GPR107: variants seen among roughly 807,000 people sequenced by gnomAD.
GPR107 encodes the protein protein GPR107.
GPR107 carries 31 observed loss-of-function variants against 75.5 expected under a neutral mutation model. The ratio of observed to expected loss-of-function variants is 0.41; its 90% CI spans 0.31 to 0.55. The LOEUF is 0.55. Ranked by LOEUF, GPR107 falls within the 20% of genes least tolerant of loss-of-function variation. The pLI is 0.26. For missense variants in GPR107, 572 were observed against 665.7 expected (o/e 0.86, Z 1.55); for synonymous variants, 267 against 251.3 (o/e 1.06, Z -0.59).
Position 130,104,530 on chromosome 9 carries a change from C to T in GPR107, c.1242C>T (p.Ala414=), listed in dbSNP as rs1467603391. The T allele has an allele frequency of 6.2e-7, 1 of 1,613,872 alleles. No individual in the cohort carries two copies. Among genetic ancestry groups the T allele is most frequent in the Non-Finnish European group, 8.5e-7 (1 of 1,179,772 alleles). Reference sequence around the variant, plus strand: ...TGGTCGACCTGTTGTGTTGTGGTGCCATCCTCTTCCCAGTGGTGTGGTGAG... The same window carrying T: ...TGGTCGACCTGTTGTGTTGTGGTGCTATCCTCTTCCCAGTGGTGTGGTGAG... ...LFLVDLLCCG[A]ILFPVVWSIR... The change falls in exon 13 of 18, where the codon GCC becomes GCT. Residue 414 remains alanine, a synonymous_variant. Coordinates refer to ENST00000347136, the MANE Select transcript of GPR107 (RefSeq NM_020960.5).
intron 9 of GPR107, among the ~76,000 whole-genome samples, chr9:130,094,627 G>C (rs922135234): frequency 2.0e-5 from 3 of 151,970 alleles, no homozygotes; most frequent in Non-Finnish European, 4.4e-5. Context: ...AAAAATTTAG[G>C]CCATTAAAGT....
chr9:130,088,780 A>C (rs1830670032), intron 7 of GPR107, among the ~76,000 whole-genome samples: 1 of 152,198 alleles, frequency 6.6e-6, no homozygotes, highest in African/African-American at 2.4e-5. Context: ...GTGTTTAACC[A>C]CTTTGCCTTT....
chr9:130,111,553 C>T (rs1487142527), intron 14 of GPR107, among the ~76,000 whole-genome samples: 1 of 152,080 alleles, frequency 6.6e-6, no homozygotes, highest in Non-Finnish European at 1.5e-5. Flanking sequence ...AACAACAAAA[C>T]ACTATGGCAA....
chr9:130,118,895 T>C (rs1437443059), intron 14 of GPR107, among the ~76,000 whole-genome samples: 4 of 152,190 alleles, frequency 2.6e-5, no homozygotes, highest in Non-Finnish European at 5.9e-5. Context: ...CCAGCTGAGA[T>C]GGGGCAGGGC....
rs1831997027 is a variant in GPR107, at chr9:130,137,873, T to C, written c.*2752T>C. On this transcript the variant is annotated 3_prime_UTR_variant, in exon 18 of 18. Coordinates refer to ENST00000347136, the MANE Select transcript of GPR107 (RefSeq NM_020960.5). ...TATCGGATGCACATAGCAGAACCAT[T>C]GGTGGTATTTATAGCTTTGCTTTGT... 1 of 152,254 alleles carries C rather than the reference T, an allele frequency of 6.6e-6. No individual in the cohort carries two copies. Among genetic ancestry groups the C allele is most frequent in the African/African-American group, 2.4e-5 (1 of 41,474 alleles). The allele number at this position is 152,254 out of a possible 1,614,324, so 9.4% of individuals were successfully genotyped here.
chr9:130,135,706 C>T lies in GPR107; in HGVS notation c.*585C>T. 6.5e-6 allele frequency: 1 copy of T among 152,724 alleles called. No homozygotes were observed. Among genetic ancestry groups the T allele is most frequent in the East Asian group, 1.9e-4 (1 of 5,178 alleles). The allele number at this position is 152,724 out of a possible 1,614,324, so 9.5% of individuals were successfully genotyped here. A position where few individuals can be genotyped will look rare whatever the true frequency, so the allele number is the denominator to read the frequency against. The stretch of plus-strand genomic sequence containing the variant: ...TCCTGCCCTCGGCTTTGCCCCAGAC[C>T]CTTATTCCAGATGCTGAGAGTGACC... On this transcript the variant is annotated 3_prime_UTR_variant, in exon 18 of 18. Transcript: ENST00000347136.
rs1468766245 is a variant in GPR107, at chr9:130,139,130, C to T, written c.*4009C>T. ...CCTGGCCTTGTAAGACTCACGTAAG[C>T]TAAGTCCAGGATGCCTGTGGCCTGC... On this transcript the variant is annotated 3_prime_UTR_variant, in exon 18 of 18. Coordinates refer to ENST00000347136, the MANE Select transcript of GPR107 (RefSeq NM_020960.5). The T allele has an allele frequency of 6.6e-6, 1 of 152,276 alleles. No homozygotes were observed. The highest frequency in any genetic ancestry group is 1.5e-5 in the Non-Finnish European group (1 of 68,070). 9.4% of individuals were successfully genotyped at this position (152,276 alleles called of 1,614,324 possible). A position where few individuals can be genotyped will look rare whatever the true frequency, so the allele number is the denominator to read the frequency against.
intron 5 of GPR107, chr9:130,083,280 T>C (rs974098209): frequency 2.9e-5 from 7 of 239,820 alleles, no homozygotes; most frequent in Admixed American, 5.6e-5. Flanking sequence ...AGTCATTCCA[T>C]GTGGCCTCTC....
chr9:130,055,024 A>C (rs956071881), intron 1 of GPR107, among the ~76,000 whole-genome samples: 4 of 152,292 alleles, frequency 2.6e-5, no homozygotes, highest in South Asian at 4.1e-4. Flanking sequence ...TTGAGACTGC[A>C]GTGAGCCGTG....
At chr9:130,063,196 C>CT (rs760373185) in intron 1 of GPR107, among the ~76,000 whole-genome samples, 4,168 of 146,522 alleles carry the variant, frequency 0.028, 66 homozygotes, top group East Asian at 0.044. Flanking sequence ...ATATAACATG[C>CT]TTTTTTTTTT....
chr9:130,084,775 C>CAA lies in GPR107; in HGVS notation c.564+1186_564+1187dup, dbSNP rs143763501. The stretch of plus-strand genomic sequence containing the variant: ...TGGGTGACAGAGTGAGACCCTGTCT[C>CAA]AAAAAAAAAAAAAAGGAAAAGAAAA... On this transcript the variant is annotated intron_variant, in intron 6 of 17. Coordinates refer to ENST00000347136, the MANE Select transcript of GPR107 (RefSeq NM_020960.5). Among the ~76,000 whole-genome samples, 578 of 118,858 alleles carry CAA rather than the reference C, an allele frequency of 4.9e-3. 3 individuals carry two copies. The highest frequency in any genetic ancestry group is 6.6e-3 in the Non-Finnish European group (369 of 55,504). 78.0% of individuals were successfully genotyped at this position (118,858 alleles called of 152,430 possible). A position where few individuals can be genotyped will look rare whatever the true frequency, so the allele number is the denominator to read the frequency against.
At position 130,079,664 on chromosome 9, in the gene GPR107, C is replaced by G; in HGVS notation, c.421C>G (p.Gln141Glu). The G allele has an allele frequency of 1.2e-6, 2 of 1,612,348 alleles. No individual in the cohort carries two copies. Among genetic ancestry groups the G allele is most frequent in the Non-Finnish European group, 1.7e-6 (2 of 1,178,426 alleles). ...AAAGTCTCCACCAGAAGCTGGTACC[C>G]AGTTACCAAAGATCATCTTCAGCAG... ...RVKSPPEAGT[Q>E]LPKIIFSRDE... The change falls in exon 5 of 18, where the codon CAG (glutamine) becomes GAG (glutamate). Residue 141 changes from glutamine to glutamate, a missense_variant. By Grantham distance (29) the Gln-to-Glu change is conservative. Transcript: ENST00000347136.
chr9:130,093,878 T>C (rs915872935), intron 9 of GPR107, among the ~76,000 whole-genome samples: 1 of 152,046 alleles, frequency 6.6e-6, no homozygotes, highest in African/African-American at 2.4e-5. Flanking sequence ...GTGCAGTGCC[T>C]AATCTCTACT....
chr9:130,054,008 A>T lies in GPR107; in HGVS notation c.76A>T (p.Met26Leu), dbSNP rs575260013. 2 of 1,554,094 alleles carry T rather than the reference A, an allele frequency of 1.3e-6. No individual in the cohort carries two copies. The highest frequency in any genetic ancestry group is 1.9e-5 in the Admixed American group (1 of 51,508). The change falls in exon 1 of 18, where the codon ATG (methionine) becomes TTG (leucine). Residue 26 changes from methionine to leucine, a missense_variant. Transcript: ENST00000347136. ...GGCCGCGGGCCTCCGGCTGCTCCCA[A>T]TGCTGGGTTTGCTGCAGTTGCTGGC... ...RLAAGLRLLP[M>L]LGLLQLLAEP...
intron 17 of GPR107, among the ~76,000 whole-genome samples, chr9:130,132,220 C>T (rs564032633): frequency 2.0e-5 from 3 of 152,158 alleles, no homozygotes; most frequent in Admixed American, 6.5e-5. Context: ...TTCTCCCGGG[C>T]TCTAGAATCA....
At chr9:130,102,640 G>A (rs1308298493) in intron 12 of GPR107, among the ~76,000 whole-genome samples, 1 of 152,196 alleles carries the variant, frequency 6.6e-6, no homozygotes, top group African/African-American at 2.4e-5. Context: ...TTCTAAGTAA[G>A]GAGTAGATGA....
chr9:130,114,751 G>A, intron 14 of GPR107: 1 of 982,162 alleles, frequency 1.0e-6, no homozygotes, highest in Non-Finnish European at 1.2e-6. Context: ...GGGTCTTTAG[G>A]AATTTTTAAA....
intron 1 of GPR107, among the ~76,000 whole-genome samples, chr9:130,057,447 C>T (rs1829819890): frequency 6.7e-6 from 1 of 148,826 alleles, no homozygotes; most frequent in Non-Finnish European, 1.5e-5. Flanking sequence ...GAGTCAGAAG[C>T]TGTAGTGAGC....
intron 15 of GPR107, among the ~76,000 whole-genome samples, chr9:130,125,678 A>G (rs1831659966): frequency 7.6e-6 from 1 of 131,138 alleles, no homozygotes; most frequent in Non-Finnish European, 1.5e-5. Context: ...CCCGGCCACT[A>G]TTTTTACTCA....
Sources: allele counts gnomAD v4.1 joint callset (sites outside exome capture counted in the v4.1 genomes callset), GRCh38; gene constraint gnomAD v4.1.1; transcripts MANE v1.5; gene names NCBI Gene and HGNC (gene_info 2026-07-23, HGNC 2026-07-21).